Variants in C21orf91 observed in about 807,000 individuals in gnomAD.
The protein encoded by C21orf91 is chromosome 21 open reading frame 91.
In C21orf91, 26 loss-of-function variants were observed where a neutral mutation model predicts 32.9. The observed-to-expected ratio is 0.79, with a 90% CI of 0.58 to 1.10. The LOEUF is 1.10. Among genes scored for constraint, C21orf91 ranks in the 50% least tolerant of loss-of-function variants. C21orf91 has a pLI of 0.00. For missense variants in C21orf91, 310 were observed against 341.3 expected (o/e 0.91, Z 0.72); for synonymous variants, 126 against 120.4 (o/e 1.05, Z -0.31).
At chr21:17,805,766 C>T (rs1045105382) in intron 2 of C21orf91, among the ~76,000 whole-genome samples, 2 of 152,024 alleles carry the variant, frequency 1.3e-5, no homozygotes, top group Non-Finnish European at 2.9e-5. Context: ...TCCAATGGAC[C>T]CAAGTAACCC....
chr21:17,817,925 G>C, intron 2 of C21orf91: 1 of 268,126 alleles, frequency 3.7e-6, no homozygotes, highest in Non-Finnish European at 6.9e-6. Context: ...CAGAAAACAC[G>C]TTTCCCAGTC....
intron 2 of C21orf91, among the ~76,000 whole-genome samples, chr21:17,807,014 TAATA>T (rs1440833258): frequency 6.6e-6 from 1 of 152,260 alleles, no homozygotes; most frequent in Non-Finnish European, 1.5e-5. Context: ...TACACTTTGT[TAATA>T]AATAACCTGG....
At chr21:17,797,530 C>A (rs1189512404) in intron 2 of C21orf91, among the ~76,000 whole-genome samples, 1 of 150,224 alleles carries the variant, frequency 6.7e-6, no homozygotes, top group African/African-American at 2.5e-5. Flanking sequence ...AAATACTGAA[C>A]AAGTTTTCCT....
intron 2 of C21orf91, among the ~76,000 whole-genome samples, chr21:17,805,730 T>A (rs937676659): frequency 6.6e-6 from 1 of 152,224 alleles, no homozygotes; most frequent in Admixed American, 6.5e-5. Context: ...ATTAACATTA[T>A]GTTACAAAAA....
At chr21:17,818,383 T>C in intron 1 of C21orf91, 58 bp from the exon 2 acceptor site, 1 of 1,422,260 alleles carries the variant, frequency 7.0e-7, no homozygotes, top group African/African-American at 1.4e-5. Flanking sequence ...TTTGGGGTAG[T>C]TCCCTTTACT....
intron 2 of C21orf91, among the ~76,000 whole-genome samples, chr21:17,805,674 A>G (rs1157666823): frequency 6.6e-6 from 1 of 152,154 alleles, no homozygotes; most frequent in Non-Finnish European, 1.5e-5. Flanking sequence ...AGAAAGGTAA[A>G]TTTGTTTTTC....
At chr21:17,801,518 C>T (rs1600879973) in intron 2 of C21orf91, among the ~76,000 whole-genome samples, 1 of 152,108 alleles carries the variant, frequency 6.6e-6, no homozygotes, top group African/African-American at 2.4e-5. Flanking sequence ...GATCCGCCCG[C>T]CTCGGCCTCC....
chr21:17,804,405 G>C (rs1036382983), intron 2 of C21orf91, among the ~76,000 whole-genome samples: 9 of 152,208 alleles, frequency 5.9e-5, no homozygotes, highest in Admixed American at 6.5e-5. Flanking sequence ...CTGTGATAAA[G>C]AGTACCTCAT....
chr21:17,807,656 C>T (rs1457743136), intron 2 of C21orf91, among the ~76,000 whole-genome samples: 1 of 152,090 alleles, frequency 6.6e-6, no homozygotes, highest in East Asian at 1.9e-4. Context: ...CAATGAAGTC[C>T]AGTAGTAGGT....
chr21:17,815,280 A>C (rs377252513), intron 2 of C21orf91, among the ~76,000 whole-genome samples: 2 of 152,202 alleles, frequency 1.3e-5, no homozygotes, highest in Admixed American at 1.3e-4. Flanking sequence ...CCTCAAGAGA[A>C]TTTATTTTTA....
At chr21:17,809,862 T>G (rs1012747814) in intron 2 of C21orf91, among the ~76,000 whole-genome samples, 6 of 152,202 alleles carry the variant, frequency 3.9e-5, no homozygotes, top group African/African-American at 1.4e-4. Context: ...ATTTTGAGAT[T>G]CAGATTTATG....
In C21orf91 at chr21:17,789,953, T is replaced by A. The variant is rs1276965423; in HGVS notation, c.*3462A>T. On this transcript the variant is annotated 3_prime_UTR_variant, in exon 5 of 5. Transcript: ENST00000284881. ...AATACAATCATACACTGAAACGGCA[T>A]CAATTATCTTTGCCTTACATCTGAA... 1 of 152,154 alleles carries A rather than the reference T, an allele frequency of 6.6e-6. No homozygotes were observed. The highest frequency in any genetic ancestry group is 1.9e-4 in the East Asian group (1 of 5,208). The allele number at this position is 152,154 out of a possible 1,614,324, so 9.4% of individuals were successfully genotyped here.
intron 2 of C21orf91, among the ~76,000 whole-genome samples, chr21:17,813,256 G>C (rs1220401984): frequency 1.3e-5 from 2 of 152,190 alleles, no homozygotes; most frequent in Non-Finnish European, 2.9e-5. Context: ...TAGAGGAACA[G>C]TTTATGTTCC....
rs561944052 is a variant in C21orf91 at position 17,814,089 on chromosome 21, A to G, written c.127+4103T>C. Reference sequence around the variant, plus strand: ...GAAATGCTCTAAGAATTATTTGTACACTATTTTGGCACAAGATGAAAACTG... The same window carrying G: ...GAAATGCTCTAAGAATTATTTGTACGCTATTTTGGCACAAGATGAAAACTG... On this transcript the variant is annotated intron_variant, in intron 2 of 4. Coordinates refer to ENST00000284881, the MANE Select transcript of C21orf91 (RefSeq NM_001100420.2). Among the ~76,000 whole-genome samples the G allele has an allele frequency of 4.6e-5, 7 of 152,298 alleles. No individual in the cohort carries two copies. In the South Asian group the frequency reaches 1.4e-3, roughly 32 times the overall value.
rs111851018 is a variant in C21orf91 at position 17,798,277 on chromosome 21, G to A, written c.128-1159C>T. ...AAAGTCTGGCTAAAAGAAAGATAATGAAGCATTTGTACTTTAATGGTATGA... is the reference window on the plus strand; with the variant it reads ...AAAGTCTGGCTAAAAGAAAGATAATAAAGCATTTGTACTTTAATGGTATGA... On this transcript the variant is annotated intron_variant, in intron 2 of 4. Transcript: ENST00000284881. 2.5e-3 allele frequency among the ~76,000 whole-genome samples: 374 copies of A among 152,242 alleles called. 10 individuals are homozygous for A. The East Asian group carries it at 0.068, about 28-fold the overall frequency.
intron 2 of C21orf91, among the ~76,000 whole-genome samples, chr21:17,815,244 T>C (rs1205488727): frequency 2.6e-5 from 4 of 152,196 alleles, no homozygotes; most frequent in Non-Finnish European, 5.9e-5. Flanking sequence ...ATGTATGGAC[T>C]CAAAACTAGC....
chr21:17,801,835 A>G (rs1430326775), intron 2 of C21orf91, among the ~76,000 whole-genome samples: 3 of 151,952 alleles, frequency 2.0e-5, no homozygotes. Flanking sequence ...CCAGAACTTA[A>G]AGTATTAAAA....
chr21:17,805,926 A>G (rs1339114815), intron 2 of C21orf91, among the ~76,000 whole-genome samples: 2 of 152,200 alleles, frequency 1.3e-5, no homozygotes, highest in Non-Finnish European at 2.9e-5. Flanking sequence ...ATCCACTTAC[A>G]TGGGGCATAT....
Position 17,795,181 on chromosome 21 carries a change from C to T in C21orf91, c.727+27G>A, listed in dbSNP as rs766734459. 2.6e-6 allele frequency: 4 copies of T among 1,533,536 alleles called. No homozygotes were observed. In the South Asian group the frequency reaches 3.4e-5, roughly 13 times the overall value. 95.0% of individuals were successfully genotyped at this position (1,533,536 alleles called of 1,614,324 possible). ...TTTCTATGTCAAAATTTGTCACACA[C>T]AAAAAAGTACTGACAGTGATTCTTA... is the stretch of plus-strand genomic sequence containing the variant. On this transcript the variant is annotated intron_variant, in intron 4 of 4. Transcript: ENST00000284881.
Sources: allele counts gnomAD v4.1 joint callset (sites outside exome capture counted in the v4.1 genomes callset), GRCh38; gene constraint gnomAD v4.1.1; transcripts MANE v1.5; gene names NCBI Gene and HGNC (gene_info 2026-07-23, HGNC 2026-07-21).